Variants in OR2L13 observed in about 807,000 individuals in gnomAD.
OR2L13 encodes the protein olfactory receptor 2L13.
A neutral mutation model predicts 15.3 loss-of-function variants in OR2L13; 14 were observed. The ratio of observed to expected loss-of-function variants is 0.91; its 90% confidence interval spans 0.60 to 1.43. The LOEUF is 1.43. Among genes scored for constraint, OR2L13 ranks in the 40% most tolerant of loss-of-function variants. The probability of loss-of-function intolerance (pLI) is 0.00; values close to 1 mark genes in which losing one functional copy is unlikely to be tolerated. For missense variants in OR2L13, 367 were observed against 387.9 expected, an observed-to-expected ratio of 0.95 and a Z score of 0.45; for synonymous variants, 152 against 142.9, an observed-to-expected ratio of 1.06 and a Z score of -0.45.
At chr1:247,991,184 A>T in the OR2L13 span, 2 of 1,598,396 alleles carry the variant, frequency 1.3e-6, no homozygotes, top group East Asian at 4.5e-5. Flanking sequence ...GTGATTCAGA[A>T]AATCTTTTCA....
At chr1:248,095,799 G>T (rs564689845), upstream of OR2L13, among the ~76,000 whole-genome samples, 1 of 150,160 alleles carries the variant, frequency 6.7e-6, no homozygotes, top group East Asian at 2.0e-4. Context: ...TAGAGATGGG[G>T]TGTCACCATA....
At chr1:248,099,238 G>A (rs1664795079) in intron 2 of OR2L13, 120 bp from the exon 3 acceptor site, 1 of 631,754 alleles carries the variant, frequency 1.6e-6, no homozygotes, top group Non-Finnish European at 2.8e-6. Flanking sequence ...AACCTGCAGT[G>A]TTAGTGGAGA....
At chr1:247,989,877 T>C in the OR2L13 span, among the ~76,000 whole-genome samples, 1 of 152,202 alleles carries the variant, frequency 6.6e-6, no homozygotes, top group East Asian at 1.9e-4. Flanking sequence ...TTACCGTGCC[T>C]ACATTGTTCC....
the OR2L13 span, among the ~76,000 whole-genome samples, chr1:247,952,643 G>T: frequency 6.6e-6 from 1 of 152,104 alleles, no homozygotes; most frequent in Non-Finnish European, 1.5e-5. Flanking sequence ...TTGTTTATAG[G>T]TTACCACAGT....
chr1:248,025,037 G>T, the OR2L13 span, among the ~76,000 whole-genome samples: 94 of 152,014 alleles, frequency 6.2e-4, no homozygotes, highest in African/African-American at 2.1e-3. Flanking sequence ...CATAGGCATG[G>T]GCAAGGACTT....
chr1:247,990,337 A>T, the OR2L13 span: 3 of 1,488,108 alleles, frequency 2.0e-6, no homozygotes, highest in Non-Finnish European at 2.8e-6. Context: ...AAAATTGGCC[A>T]TTTCATCTTC....
At chr1:248,100,354 A>G (rs532315735) in exon 3 of OR2L13, 61 of 1,256,450 alleles carry the variant, frequency 4.9e-5, no homozygotes, top group Admixed American at 4.6e-4. Context: ...CCTCTTTCCA[A>G]GTTGATTCCA....
At chr1:248,036,807 G>C in the OR2L13 span, among the ~76,000 whole-genome samples, 5 of 152,092 alleles carry the variant, frequency 3.3e-5, no homozygotes, top group Non-Finnish European at 7.4e-5. Flanking sequence ...GTCTTTTGAA[G>C]ATGTAAAGTG....
At chr1:248,057,713 C>T in the OR2L13 span, among the ~76,000 whole-genome samples, 1 of 151,962 alleles carries the variant, frequency 6.6e-6, no homozygotes, top group African/African-American at 2.4e-5. Context: ...GTTTTTAACT[C>T]CTTGGTTAGG....
At chr1:247,948,427 T>C in the OR2L13 span, among the ~76,000 whole-genome samples, 1 of 152,154 alleles carries the variant, frequency 6.6e-6, no homozygotes, top group African/African-American at 2.4e-5. Flanking sequence ...GGTATCTTTC[T>C]TATAAATTTA....
At chr1:247,951,701 A>G in the OR2L13 span, among the ~76,000 whole-genome samples, 32 of 152,212 alleles carry the variant, frequency 2.1e-4, no homozygotes, top group Admixed American at 2.1e-3. Flanking sequence ...TTTGCTAACA[A>G]TGTTTACTGC....
chr1:247,948,449 G>GA, the OR2L13 span, among the ~76,000 whole-genome samples: 3,698 of 152,048 alleles, frequency 0.024, 58 homozygotes, highest in East Asian at 0.036. Context: ...ATATTTCTCA[G>GA]AAAAAAACTA....
chr1:248,003,436 C>T, the OR2L13 span: 6 of 1,610,310 alleles, frequency 3.7e-6, no homozygotes, highest in East Asian at 1.1e-4. Flanking sequence ...AGAGTTTCTT[C>T]TTCACGACTT....
chr1:248,040,794 T>G, the OR2L13 span: 1 of 152,186 alleles, frequency 6.6e-6, no homozygotes, highest in South Asian at 2.1e-4. Context: ...ATTCTACTGC[T>G]TGGCGGTCAG....
At chr1:248,058,661 G>C in the OR2L13 span, among the ~76,000 whole-genome samples, 2 of 150,220 alleles carry the variant, frequency 1.3e-5, no homozygotes, top group Non-Finnish European at 3.0e-5. Flanking sequence ...TATTTTTCAG[G>C]AAAGTATTTC....
chr1:247,985,572 G>A, the OR2L13 span, among the ~76,000 whole-genome samples: 1 of 152,102 alleles, frequency 6.6e-6, no homozygotes. Context: ...ATAAACATAC[G>A]TGTGCATGTG....
At chr1:248,038,830 G>C in the OR2L13 span, 3 of 1,614,138 alleles carry the variant, frequency 1.9e-6, no homozygotes, top group Admixed American at 5.0e-5. Flanking sequence ...ACGCTAGCCT[G>C]CACAGACACT....
chr1:248,096,446 T>C (rs139278697), upstream of OR2L13, among the ~76,000 whole-genome samples: 17 of 152,180 alleles, frequency 1.1e-4, no homozygotes, highest in East Asian at 2.9e-3. Context: ...CATGAACTTG[T>C]TAGAGTTGCA....
chr1:248,014,168 C>A, the OR2L13 span, among the ~76,000 whole-genome samples: 1 of 152,102 alleles, frequency 6.6e-6, no homozygotes, highest in African/African-American at 2.4e-5. Context: ...TTATAATAAT[C>A]TTATTGCTGT....
Sources: allele counts gnomAD v4.1 joint callset (sites outside exome capture counted in the v4.1 genomes callset), GRCh38; gene constraint gnomAD v4.1.1; transcripts MANE v1.5; gene names NCBI Gene and HGNC (gene_info 2026-07-23, HGNC 2026-07-21).